Variants in MYH14 observed in about 807,000 individuals in gnomAD.
MYH14 encodes the protein myosin heavy chain 14, also known as myosin-14.
In MYH14, 123 loss-of-function variants were observed where a neutral mutation model predicts 255.5. The ratio of observed to expected loss-of-function variants is 0.48; its 90% CI spans 0.42 to 0.56. MYH14 has a LOEUF of 0.56. Ranked by LOEUF, MYH14 falls within the 20% of genes least tolerant of loss-of-function variation. The pLI is 0.00. For synonymous variants in MYH14, 1,095 were observed against 1,161.2 expected, an observed-to-expected ratio of 0.94 and a Z score of 1.16; for missense variants, 2,423 against 2,802.3, an observed-to-expected ratio of 0.86 and a Z score of 3.06.
At position 50,271,438 on chromosome 19, in the gene MYH14, G is replaced by C; in HGVS notation, c.3063G>C (p.Glu1021Asp). ...TAGAGGCCCACCTTGAGGCTGAGGA[G>C]GGTGCGCGGCAGAAGCTGCAGCTGG... is the stretch of plus-strand genomic sequence containing the variant. Reference protein sequence around the residue: ...QELEAHLEAEEGARQKLQLEK... With the variant: ...QELEAHLEAEDGARQKLQLEK... The change falls in exon 25 of 43, where the codon GAG becomes GAC. Residue 1021 changes from glutamate (E) to aspartate (D), a missense_variant. This residue lies in a region of MYH14 where 1,513 missense variants were observed against 1,674.8 expected (regional missense o/e 0.90). Transcript: ENST00000642316. The C allele has an allele frequency of 6.2e-7, 1 of 1,606,612 alleles. No homozygotes were observed. The highest frequency in any genetic ancestry group is 8.5e-7 in the Non-Finnish European group (1 of 1,176,872).
chr19:50,304,392 C>T (rs2036588912), intron 40 of MYH14, among the ~76,000 whole-genome samples: 1 of 152,166 alleles, frequency 6.6e-6, no homozygotes, highest in African/African-American at 2.4e-5. Flanking sequence ...GAATTCAAGA[C>T]CAACCTAGCC....
rs767928374 is a variant in MYH14, at chr19:50,250,718, T to C, written c.1830+30T>C. The C allele has an allele frequency of 1.5e-5, 24 of 1,591,470 alleles. No individual in the cohort carries two copies. The highest frequency in any genetic ancestry group is 3.4e-4 in the Middle Eastern group (2 of 5,928). On this transcript the variant is annotated intron_variant, in intron 15 of 42. Transcript: ENST00000642316. The surrounding 1 kb of genome is among the most constrained non-coding windows in gnomAD (Gnocchi z 5.4). ...GGGCTGGGGCCGGCCTTGGGGCATG[T>C]GGGAGTGGGGATCAAGGGATCTCCA...
chr19:50,224,623 A>G (rs2033007481), intron 6 of MYH14, among the ~76,000 whole-genome samples: 1 of 152,196 alleles, frequency 6.6e-6, no homozygotes, highest in African/African-American at 2.4e-5. Context: ...AGACATAAAC[A>G]GGCTGCCATT....
chr19:50,226,498 C>T (rs951405242), intron 7 of MYH14, among the ~76,000 whole-genome samples: 2 of 149,360 alleles, frequency 1.3e-5, no homozygotes, highest in Non-Finnish European at 3.0e-5. Context: ...GGGCTGGTGG[C>T]CTGGACCCCT....
At chr19:50,274,672 A>G (rs530819674) in intron 27 of MYH14, among the ~76,000 whole-genome samples, 28 of 152,170 alleles carry the variant, frequency 1.8e-4, no homozygotes, top group Non-Finnish European at 2.6e-4. Flanking sequence ...GACTCACGCC[A>G]TAATCCAGCA....
intron 34 of MYH14, among the ~76,000 whole-genome samples, chr19:50,289,095 T>C (rs758352584): frequency 6.6e-6 from 1 of 152,058 alleles, no homozygotes; most frequent in Non-Finnish European, 1.5e-5. Flanking sequence ...GAATTCCCAG[T>C]GAGTGAGCTC....
intron 36 of MYH14, 21 bp downstream of exon 36, chr19:50,291,069 C>T: frequency 6.2e-7 from 1 of 1,609,858 alleles, no homozygotes; most frequent in South Asian, 1.1e-5. Flanking sequence ...GCGTGAGCTG[C>T]AGGGAGGGGA....
chr19:50,249,416 G>A (rs1039877780), intron 13 of MYH14: 1 of 598,228 alleles, frequency 1.7e-6, no homozygotes, highest in African/African-American at 2.1e-5. Context: ...CTGCATCTCT[G>A]TCCCCTGTCT....
chr19:50,258,167 C>T (rs923576572), intron 18 of MYH14, among the ~76,000 whole-genome samples: 7 of 151,910 alleles, frequency 4.6e-5, no homozygotes, highest in African/African-American at 7.2e-5. Flanking sequence ...TGAGCTCAAG[C>T]GATCCACCCG....
At chr19:50,297,491 CTT>C (rs869049808) in intron 39 of MYH14, among the ~76,000 whole-genome samples, 41 of 74,338 alleles carry the variant, frequency 5.5e-4, no homozygotes, top group African/African-American at 2.0e-3. Context: ...CTCATCTCCT[CTT>C]TTTTTTTTTT....
rs762286418 is a variant in MYH14, at chr19:50,257,253, C to T, written c.2045-46C>T. The T allele has an allele frequency of 2.0e-6, 3 of 1,519,108 alleles. No homozygotes were observed. The African/African-American group carries it at 4.1e-5, about 21-fold the overall frequency. 94.1% of individuals were successfully genotyped at this position (1,519,108 alleles called of 1,614,324 possible). On this transcript the variant is annotated intron_variant, in intron 17 of 42. Transcript: ENST00000642316. ...TGACCTTTGGCCCAGGTCCCTAAAA[C>T]TGACCCTGACCTCCTTCTCTCTCTC... is the stretch of plus-strand genomic sequence containing the variant.
intron 10 of MYH14, among the ~76,000 whole-genome samples, chr19:50,234,263 G>A (rs181930589): frequency 2.0e-5 from 3 of 152,228 alleles, no homozygotes; most frequent in African/African-American, 7.2e-5. Context: ...GATTCAACCC[G>A]TAACAAGTAC....
chr19:50,230,668 G>A lies in MYH14; in HGVS notation c.973+45G>A. On this transcript the variant is annotated intron_variant, in intron 9 of 42. Coordinates refer to ENST00000642316, the MANE Select transcript of MYH14 (RefSeq NM_001145809.2). The surrounding 1 kb of genome is among the most constrained non-coding windows in gnomAD (Gnocchi z 4.7). Reference sequence around the variant, plus strand: ...ACCCTGCTCACCCGGGAGAGGGTGGGCACCATGTCTCTCGGGGGCCCCTTC... The same window carrying A: ...ACCCTGCTCACCCGGGAGAGGGTGGACACCATGTCTCTCGGGGGCCCCTTC... 6.6e-7 allele frequency: 1 copy of A among 1,519,006 alleles called. No homozygotes were observed. The highest frequency in any genetic ancestry group is 8.9e-7 in the Non-Finnish European group (1 of 1,120,088). 94.1% of individuals were successfully genotyped at this position (1,519,006 alleles called of 1,614,324 possible).
intron 2 of MYH14, among the ~76,000 whole-genome samples, chr19:50,212,446 C>T (rs996624787): frequency 3.3e-5 from 5 of 152,156 alleles, no homozygotes; most frequent in African/African-American, 7.2e-5. Flanking sequence ...CTAAGTGTGG[C>T]GTGTGAGTTA....
chr19:50,260,804 T>C (rs2034808525), intron 20 of MYH14, 89 bp downstream of exon 20: 1 of 985,672 alleles, frequency 1.0e-6, no homozygotes, highest in East Asian at 2.6e-5. Context: ...TGCATATGTG[T>C]GCATGCGTGT....
chr19:50,293,828 GA>G lies in MYH14; in HGVS notation c.5469+144del. On this transcript the variant is annotated intron_variant, in intron 39 of 42. Coordinates refer to ENST00000642316, the MANE Select transcript of MYH14 (RefSeq NM_001145809.2). This position sits in a 1 kb window ranked among gnomAD's most constrained non-coding sequence, Gnocchi z 4.1. Reference sequence around the variant, plus strand: ...TTGAATAGGAGTTCTTAAAAGGGTTGAAAGGCATGATTCACTTGTATTTCTG... The same window carrying G: ...TTGAATAGGAGTTCTTAAAAGGGTTGAAGGCATGATTCACTTGTATTTCTG... 4.6e-6 allele frequency: 4 copies of G among 860,320 alleles called. No homozygotes were observed. The highest frequency in any genetic ancestry group is 6.8e-6 in the Non-Finnish European group (4 of 587,198). 53.3% of individuals were successfully genotyped at this position (860,320 alleles called of 1,614,324 possible).
intron 15 of MYH14, among the ~76,000 whole-genome samples, chr19:50,251,502 CACAT>C (rs1260647231): frequency 3.2e-5 from 4 of 123,266 alleles, no homozygotes; most frequent in African/African-American, 1.2e-4. Flanking sequence ...TATATATACA[CACAT>C]ATATATATAC....
intron 11 of MYH14, among the ~76,000 whole-genome samples, chr19:50,246,613 A>C (rs558913540): frequency 2.1e-5 from 3 of 143,460 alleles, no homozygotes; most frequent in South Asian, 2.3e-4. Flanking sequence ...TAAGAGCCAA[A>C]CTCTGTCTCA....
chr19:50,289,690 G>A (rs1236518198), intron 35 of MYH14, 42 bp downstream of exon 35: 1 of 1,543,972 alleles, frequency 6.5e-7, no homozygotes, highest in Non-Finnish European at 8.8e-7. Flanking sequence ...GTCCAGCTGG[G>A]GTATGCCATG....
Sources: allele counts gnomAD v4.1 joint callset (sites outside exome capture counted in the v4.1 genomes callset), GRCh38; gene constraint gnomAD v4.1.1; regional missense constraint gnomAD v4.1.1; non-coding constraint Gnocchi (gnomAD v3.1); transcripts MANE v1.5; gene names NCBI Gene and HGNC (gene_info 2026-07-23, HGNC 2026-07-21).